Variants in COBLL1 observed in about 807,000 individuals in gnomAD.
COBLL1 encodes the protein cordon-bleu protein-like 1.
In COBLL1, 50 loss-of-function variants were observed where a neutral mutation model predicts 94.8. The ratio of observed to expected loss-of-function variants is 0.53; its 90% CI spans 0.42 to 0.67. The LOEUF (loss-of-function observed/expected upper bound fraction) is 0.67, where lower values mean the gene tolerates loss of function less well. Ranked by LOEUF, COBLL1 falls within the 30% of genes least tolerant of loss-of-function variation. The pLI is 0.00. For missense variants in COBLL1, 1,362 were observed against 1,348.7 expected (o/e 1.01, Z -0.15); for synonymous variants, 448 against 473.8 (o/e 0.95, Z 0.71).
At chr2:164,793,326 AAAAAC>A (rs1468844385) in intron 2 of COBLL1, among the ~76,000 whole-genome samples, 1 of 152,108 alleles carries the variant, frequency 6.6e-6, no homozygotes, top group African/African-American at 2.4e-5. Context: ...AGCAAAAAAA[AAAAAC>A]AAAAGTTTTT....
intron 1 of COBLL1, among the ~76,000 whole-genome samples, chr2:164,674,347 C>T (rs1046123824): frequency 2.6e-5 from 4 of 152,174 alleles, no homozygotes; most frequent in African/African-American, 9.7e-5. Flanking sequence ...GCGTGAACCA[C>T]TGCGCCCAGC....
At chr2:164,773,817 A>C (rs1688330281) in intron 2 of COBLL1, 1 of 1,186,576 alleles carries the variant, frequency 8.4e-7, no homozygotes, top group Non-Finnish European at 1.1e-6. Context: ...TTTATCATGT[A>C]TGTGTAAGCG....
chr2:164,704,193 G>A (rs66691695), intron 9 of COBLL1, among the ~76,000 whole-genome samples: 17,904 of 152,044 alleles, frequency 0.12, 1,599 homozygotes, highest in African/African-American at 0.26. Flanking sequence ...AGGAAAGCAG[G>A]AGACCACATA....
chr2:164,727,335 G>C (rs1685766805), intron 5 of COBLL1, among the ~76,000 whole-genome samples: 1 of 152,002 alleles, frequency 6.6e-6, no homozygotes, highest in Non-Finnish European at 1.5e-5. Context: ...ATTTCTCTTA[G>C]TGAAACAGAT....
chr2:164,814,480 C>T (rs115072020), intron 2 of COBLL1, among the ~76,000 whole-genome samples: 1,629 of 152,218 alleles, frequency 0.011, 6 homozygotes, highest in African/African-American at 0.026. Flanking sequence ...GAGTTTGACA[C>T]ATAGATGTTT....
At chr2:164,707,816 C>A (rs1288293920) in intron 7 of COBLL1, among the ~76,000 whole-genome samples, 1 of 152,168 alleles carries the variant, frequency 6.6e-6, no homozygotes, top group East Asian at 1.9e-4. Context: ...ACGTAGGTAC[C>A]TCTAAGGGAA....
chr2:164,746,442 C>T (rs1158544568), intron 2 of COBLL1, among the ~76,000 whole-genome samples: 1 of 152,060 alleles, frequency 6.6e-6, no homozygotes, highest in Non-Finnish European at 1.5e-5. Context: ...CTCACATTCT[C>T]CAATGGTTTC....
At chr2:164,775,524 G>T (rs1456009187) in intron 2 of COBLL1, among the ~76,000 whole-genome samples, 1 of 152,112 alleles carries the variant, frequency 6.6e-6, no homozygotes, top group Non-Finnish European at 1.5e-5. Context: ...GTGCAGTGGT[G>T]TGACTTTGGC....
At chr2:164,760,743 AT>A (rs1687641954) in intron 2 of COBLL1, among the ~76,000 whole-genome samples, 1 of 152,210 alleles carries the variant, frequency 6.6e-6, no homozygotes, top group Non-Finnish European at 1.5e-5. Flanking sequence ...TAGTAAAAAA[AT>A]AAAAGTTACA....
At chr2:164,672,653 T>C (rs1277680032) in intron 1 of COBLL1, among the ~76,000 whole-genome samples, 5 of 138,562 alleles carry the variant, frequency 3.6e-5, no homozygotes, top group South Asian at 2.2e-4. Context: ...GAGCCGAGAT[T>C]GCGCCACTGC....
At chr2:164,826,425 C>T (rs1228638876) in intron 2 of COBLL1, among the ~76,000 whole-genome samples, 1 of 152,154 alleles carries the variant, frequency 6.6e-6, no homozygotes, top group African/African-American at 2.4e-5. Context: ...CAAAATAGTA[C>T]AATAATGATG....
At chr2:164,805,337 C>CTCTCTCTCTATA (rs758137553) in intron 2 of COBLL1, among the ~76,000 whole-genome samples, 4 of 17,052 alleles carry the variant, frequency 2.3e-4, no homozygotes, top group African/African-American at 6.9e-4. Context: ...CTCTCTCTCT[C>CTCTCTCTCTATA]TATATATATA....
chr2:164,713,640 A>G (rs1685020049), intron 7 of COBLL1, among the ~76,000 whole-genome samples: 1 of 152,192 alleles, frequency 6.6e-6, no homozygotes, highest in Admixed American at 6.5e-5. Context: ...CATGGTTACC[A>G]TGGTTAACAA....
chr2:164,667,384 T>C (rs1006552851), intron 1 of COBLL1, among the ~76,000 whole-genome samples: 4 of 152,212 alleles, frequency 2.6e-5, no homozygotes, highest in Non-Finnish European at 5.9e-5. Flanking sequence ...ACCAGTTCCA[T>C]TAGCCCCTAA....
At chr2:164,699,616 G>A (rs1270253665) in intron 10 of COBLL1, 117 bp from the exon 11 acceptor site, 4 of 584,416 alleles carry the variant, frequency 6.8e-6, no homozygotes, top group East Asian at 2.7e-5. Context: ...AAGACAGATG[G>A]ACTAAAATAA....
At chr2:164,804,577 T>C (rs1380017543) in intron 2 of COBLL1, among the ~76,000 whole-genome samples, 3 of 152,174 alleles carry the variant, frequency 2.0e-5, no homozygotes, top group Non-Finnish European at 4.4e-5. Flanking sequence ...GATCGTTTCT[T>C]ATAACGTGGC....
At position 164,729,927 on chromosome 2, in the gene COBLL1, G is replaced by A. The variant is rs1244638067; in HGVS notation, c.419C>T (p.Pro140Leu). 4 of 1,612,120 alleles carry A rather than the reference G, an allele frequency of 2.5e-6. No individual in the cohort carries two copies. Among genetic ancestry groups the A allele is most frequent in the Admixed American group, 1.7e-5 (1 of 60,012 alleles). The change falls in exon 4 of 14, where the codon CCT (proline) becomes CTT (leucine). Residue 140 changes from proline (P) to leucine (L), a missense_variant. Pro to Leu is a moderately conservative substitution (Grantham distance 98). Coordinates refer to ENST00000652658, the MANE Select transcript of COBLL1 (RefSeq NM_001365672.2). Reference sequence around the variant, plus strand: ...TGGAATTCTTACCTCTGGTATTATAGGTGTAGGTTTTTTCTTATCCAACAT... The same window carrying A: ...TGGAATTCTTACCTCTGGTATTATAAGTGTAGGTTTTTTCTTATCCAACAT... The part of the protein sequence containing the change: ...PKMLDKKKPT[P>L]IIPEKTVRVV...
At chr2:164,774,739 G>T (rs557677885) in intron 2 of COBLL1, among the ~76,000 whole-genome samples, 1 of 152,088 alleles carries the variant, frequency 6.6e-6, no homozygotes, top group South Asian at 2.1e-4. Context: ...TTTTAAGAAG[G>T]TGTTCATAAG....
intron 2 of COBLL1, among the ~76,000 whole-genome samples, chr2:164,835,775 A>G (rs1683292579): frequency 6.6e-6 from 1 of 152,182 alleles, no homozygotes; most frequent in Non-Finnish European, 1.5e-5. Context: ...TTCTAAGCAT[A>G]GACATAATGT....
Sources: gnomAD v4.1 joint callset for allele counts (sites outside exome capture counted in the v4.1 genomes callset) on GRCh38, gnomAD v4.1.1 for gene constraint, MANE v1.5 for transcripts, NCBI Gene and HGNC (gene_info 2026-07-23, HGNC 2026-07-21) for gene names.